GLRX: variants seen among roughly 807,000 people sequenced by gnomAD.
GLRX encodes glutaredoxin-1.
In GLRX, 9 loss-of-function variants were observed where a neutral mutation model predicts 11.1. That is an observed-to-expected ratio of 0.81 (90% CI 0.49 to 1.42). GLRX has a LOEUF of 1.42. Among genes scored for constraint, GLRX ranks in the 40% most tolerant of loss-of-function variants. The pLI, the probability that GLRX is intolerant of heterozygous loss-of-function variation, is 0.00. For missense variants in GLRX, 102 were observed against 126.2 expected (o/e 0.81, Z 0.92); for synonymous variants, 49 against 49.5 (o/e 0.99, Z 0.04).
At position 95,814,251 on chromosome 5, in the gene GLRX, CAG is replaced by C. The variant is rs1370635657; in HGVS notation, c.*143_*144del. The C allele has an allele frequency of 6.6e-6, 1 of 152,638 alleles. No individual in the cohort carries two copies. Among genetic ancestry groups the C allele is most frequent in the Non-Finnish European group, 1.5e-5 (1 of 68,050 alleles). The allele number at this position is 152,638 out of a possible 1,614,324, so 9.5% of individuals were successfully genotyped here. A position where few individuals can be genotyped will look rare whatever the true frequency, so the allele number is the denominator to read the frequency against. On this transcript the variant is annotated 3_prime_UTR_variant, in exon 3 of 3. Coordinates refer to ENST00000237858, the MANE Select transcript of GLRX (RefSeq NM_001118890.2). Reference sequence around the variant, plus strand: ...TTATCTGGATAGCCATCTTAAATAACAGAGTGTTCCGCATGACCACAGCCTCT... The same window carrying C: ...TTATCTGGATAGCCATCTTAAATAACAGTGTTCCGCATGACCACAGCCTCT...
At chr5:95,820,856 G>A (rs1287253365) in intron 1 of GLRX, among the ~76,000 whole-genome samples, 2 of 150,398 alleles carry the variant, frequency 1.3e-5, no homozygotes, top group Admixed American at 6.6e-5. Flanking sequence ...TGGCTCACCC[G>A]TTTAATCCCA....
rs1747289071 is a variant in GLRX, at chr5:95,822,593, G to C, written c.70C>G (p.Pro24Ala). ...KVVVFIKPTC[P>A]YCRRAQEILS... ...ATCTCTTGGGCCCTCCTGCAGTACG[G>C]GCAGGTGGGCTTGATGAACACAACC... The change falls in exon 1 of 3, where the codon CCG becomes GCG. Residue 24 changes from proline (P) to alanine (A), a missense_variant. By Grantham distance (27) the Pro-to-Ala change is conservative. Transcript: ENST00000237858. The C allele has an allele frequency of 6.2e-7, 1 of 1,613,616 alleles. No homozygotes were observed. Among genetic ancestry groups the C allele is most frequent in the African/African-American group, 1.3e-5 (1 of 74,898 alleles).
intron 1 of GLRX, among the ~76,000 whole-genome samples, chr5:95,821,581 C>T (rs924462377): frequency 1.3e-5 from 2 of 152,166 alleles, no homozygotes; most frequent in East Asian, 3.8e-4. Context: ...CTGTAGAATT[C>T]GTGCATCGTA....
chr5:95,815,493 G>T (rs1746957957), intron 2 of GLRX, among the ~76,000 whole-genome samples: 1 of 152,196 alleles, frequency 6.6e-6, no homozygotes, highest in Admixed American at 6.5e-5. Context: ...CCCAAGAAAT[G>T]AGTTATTAAT....
intron 1 of GLRX, among the ~76,000 whole-genome samples, chr5:95,821,205 T>C (rs1184192384): frequency 6.6e-6 from 1 of 152,184 alleles, no homozygotes; most frequent in Non-Finnish European, 1.5e-5. Context: ...TTAAAAGCTC[T>C]CTAGGTGATC....
rs1284270937 is a variant in GLRX at position 95,813,877 on chromosome 5, T to A, written c.*519A>T. 1.3e-5 allele frequency: 2 copies of A among 152,278 alleles called. No individual in the cohort carries two copies. The highest frequency in any genetic ancestry group is 2.9e-5 in the Non-Finnish European group (2 of 68,042). The allele number at this position is 152,278 out of a possible 1,614,324, so 9.4% of individuals were successfully genotyped here. A position where few individuals can be genotyped will look rare whatever the true frequency, so the allele number is the denominator to read the frequency against. The stretch of plus-strand genomic sequence containing the variant: ...CAGCAGCACGTGTCTTTATTTATAA[T>A]GGCAGGGCCAAATATAAACACAGTT... On this transcript the variant is annotated 3_prime_UTR_variant, in exon 3 of 3. Coordinates refer to ENST00000237858, the MANE Select transcript of GLRX (RefSeq NM_001118890.2).
intron 2 of GLRX, 92 bp from the exon 3 acceptor site, chr5:95,814,481 G>C (rs775868886): frequency 6.6e-6 from 1 of 152,646 alleles, no homozygotes; most frequent in Non-Finnish European, 1.5e-5. Flanking sequence ...GATGCATGTA[G>C]TTAGAAAGAA....
At chr5:95,820,371 A>C (rs2112869472) in intron 1 of GLRX, among the ~76,000 whole-genome samples, 1 of 151,008 alleles carries the variant, frequency 6.6e-6, no homozygotes, top group African/African-American at 2.4e-5. Context: ...AAAAAAAAAA[A>C]AAAACCTTAA....
intron 2 of GLRX, among the ~76,000 whole-genome samples, chr5:95,816,028 C>T (rs1209142170): frequency 1.3e-5 from 2 of 152,192 alleles, no homozygotes; most frequent in Non-Finnish European, 1.5e-5. Context: ...TTGCTATTCC[C>T]TCTGCCTGAA....
intron 1 of GLRX, among the ~76,000 whole-genome samples, chr5:95,821,076 C>G (rs963914148): frequency 7.2e-5 from 11 of 152,172 alleles, no homozygotes; most frequent in Non-Finnish European, 1.5e-4. Context: ...GCACTCCAGC[C>G]TGGGTGACAA....
At chr5:95,822,244 T>A (rs1367554783) in intron 1 of GLRX, 1 of 591,734 alleles carries the variant, frequency 1.7e-6, no homozygotes, top group African/African-American at 1.9e-5. Flanking sequence ...GTACTCCCTC[T>A]TCTGCCCCGT....
chr5:95,822,284 A>C, intron 1 of GLRX, 172 bp downstream of exon 1: 1 of 614,614 alleles, frequency 1.6e-6, no homozygotes, highest in East Asian at 2.7e-5. Context: ...GCCGCCGCTC[A>C]TTCAAGTGAC....
At chr5:95,815,739 T>A (rs1746968670) in intron 2 of GLRX, among the ~76,000 whole-genome samples, 1 of 152,202 alleles carries the variant, frequency 6.6e-6, no homozygotes, top group Non-Finnish European at 1.5e-5. Context: ...GAGCCAAAGA[T>A]CTCCTTTAGG....
At position 95,816,493 on chromosome 5, in the gene GLRX, C is replaced by T. The variant is rs370373801; in HGVS notation, c.*6+14G>A. 2.3e-5 allele frequency: 29 copies of T among 1,244,564 alleles called. No individual in the cohort carries two copies. In the African/African-American group the frequency reaches 3.5e-4, roughly 15 times the overall value. 77.1% of individuals were successfully genotyped at this position (1,244,564 alleles called of 1,614,324 possible). A position where few individuals can be genotyped will look rare whatever the true frequency, so the allele number is the denominator to read the frequency against. On this transcript the variant is annotated intron_variant, in intron 2 of 2. Transcript: ENST00000237858. ...CTCCCATGTTCCTGGCCCAGCACCT[C>T]ACCTGCCACTCACCTGTGGTTACTG...
At chr5:95,819,134 T>G (rs1747120628) in intron 1 of GLRX, 2 of 152,214 alleles carry the variant, frequency 1.3e-5, no homozygotes, top group East Asian at 3.8e-4. Flanking sequence ...GTTTTATTAC[T>G]GTATTTGTTT....
intron 1 of GLRX, among the ~76,000 whole-genome samples, chr5:95,820,394 A>G (rs955235823): frequency 9.3e-5 from 14 of 151,076 alleles, no homozygotes; most frequent in African/African-American, 3.4e-4. Context: ...GATTACTACA[A>G]GAAATATTGT....
intron 1 of GLRX, chr5:95,822,223 A>G: frequency 1.8e-6 from 1 of 566,848 alleles, no homozygotes; most frequent in Admixed American, 3.0e-5. Flanking sequence ...GCCGCACAGC[A>G]GACATCAGCT....
At chr5:95,820,262 G>T (rs28926769) in intron 1 of GLRX, among the ~76,000 whole-genome samples, 1,736 of 150,386 alleles carry the variant, frequency 0.012, 28 homozygotes, top group African/African-American at 0.041. Context: ...GAGGTGGGAG[G>T]GTCACTTAAG....
chr5:95,816,049 G>C (rs1179865185), intron 2 of GLRX, among the ~76,000 whole-genome samples: 5 of 152,078 alleles, frequency 3.3e-5, no homozygotes, highest in Non-Finnish European at 1.5e-5. Context: ...AAGCTCTTCT[G>C]CTTCATCTCT....
Sources: allele counts gnomAD v4.1 joint callset (sites outside exome capture counted in the v4.1 genomes callset), GRCh38; gene constraint gnomAD v4.1.1; transcripts MANE v1.5; gene names NCBI Gene and HGNC (gene_info 2026-07-23, HGNC 2026-07-21).